Variants in NCKAP5 observed in about 807,000 individuals in gnomAD.
NCKAP5 encodes the protein nck-associated protein 5.
A neutral mutation model predicts 167.0 loss-of-function variants in NCKAP5; 92 were observed. The observed-to-expected ratio is 0.55, with a 90% CI of 0.47 to 0.66. The LOEUF is 0.66. NCKAP5 is among the 30% of genes least tolerant of loss of function. The pLI, the probability that NCKAP5 is intolerant of heterozygous loss-of-function variation, is 0.00. For synonymous variants in NCKAP5, 891 were observed against 877.4 expected (o/e 1.02, Z -0.27); for missense variants, 2,378 against 2,315.0 (o/e 1.03, Z -0.56).
chr2:133,329,965 A>G (rs1033258750), intron 3 of NCKAP5, among the ~76,000 whole-genome samples: 4 of 151,276 alleles, frequency 2.6e-5, no homozygotes, highest in African/African-American at 7.3e-5. Context: ...CGGAGGGGCC[A>G]GCGTCTAAGA....
intron 6 of NCKAP5, among the ~76,000 whole-genome samples, chr2:133,069,691 G>A (rs1389329922): frequency 6.6e-6 from 1 of 152,046 alleles, no homozygotes; most frequent in African/African-American, 2.4e-5. Context: ...CTCTGTTTGG[G>A]TTAAATGAGA....
rs145260156 is a variant in NCKAP5, at chr2:133,015,920, G to C, written c.342-21681C>G. 4.4e-3 allele frequency among the ~76,000 whole-genome samples: 666 copies of C among 152,234 alleles called. 6 individuals are homozygous for C. The highest frequency in any genetic ancestry group is 0.016 in the African/African-American group (654 of 41,526). On this transcript the variant is annotated intron_variant, in intron 6 of 19. Coordinates refer to ENST00000409261, the MANE Select transcript of NCKAP5 (RefSeq NM_207363.3). ...GTTGTGGTGAAGCCTGGAAAGGTAA[G>C]AAGTCCTCGCCAATGGAAGGACTTA...
the NCKAP5 span, among the ~76,000 whole-genome samples, chr2:133,638,996 CAG>C: frequency 7.3e-5 from 11 of 151,274 alleles, no homozygotes; most frequent in Non-Finnish European, 1.5e-5. Flanking sequence ...GATAATTAAA[CAG>C]AAAAAATAAG....
intron 4 of NCKAP5, among the ~76,000 whole-genome samples, chr2:133,281,342 T>A (rs1185258874): frequency 6.6e-6 from 1 of 152,192 alleles, no homozygotes; most frequent in Non-Finnish European, 1.5e-5. Flanking sequence ...TTTCAAAATG[T>A]AAACTTGGGT....
chr2:132,718,708 G>C (rs1364355069), intron 19 of NCKAP5, among the ~76,000 whole-genome samples: 2 of 152,158 alleles, frequency 1.3e-5, no homozygotes, highest in African/African-American at 4.8e-5. Context: ...TCTGGACAAG[G>C]AAATGTATGC....
At chr2:132,773,582 T>C (rs1318235249) in intron 16 of NCKAP5, among the ~76,000 whole-genome samples, 2 of 152,246 alleles carry the variant, frequency 1.3e-5, no homozygotes, top group Non-Finnish European at 2.9e-5. Flanking sequence ...CAAATACTTC[T>C]CATCAGTTTG....
chr2:132,918,679 A>C (rs1695074639), intron 8 of NCKAP5, among the ~76,000 whole-genome samples: 1 of 152,230 alleles, frequency 6.6e-6, no homozygotes, highest in African/African-American at 2.4e-5. Context: ...AGATTTCTAA[A>C]ATAAGAACAA....
At chr2:133,123,802 A>C (rs755604564) in intron 6 of NCKAP5, 6 of 471,026 alleles carry the variant, frequency 1.3e-5, no homozygotes, top group Non-Finnish European at 2.6e-5. Flanking sequence ...CCTCCTTCTA[A>C]AGATGCAGAG....
intron 3 of NCKAP5, among the ~76,000 whole-genome samples, chr2:133,375,789 G>A (rs1686102200): frequency 6.6e-6 from 1 of 152,142 alleles, no homozygotes; most frequent in Admixed American, 6.5e-5. Context: ...CATTTTAATG[G>A]CTGCATAGTA....
At chr2:133,488,841 G>A (rs1328565291) in intron 3 of NCKAP5, among the ~76,000 whole-genome samples, 3 of 152,116 alleles carry the variant, frequency 2.0e-5, no homozygotes, top group Non-Finnish European at 2.9e-5. Flanking sequence ...ACTTGAATCC[G>A]GGATGTGGAG....
intron 8 of NCKAP5, among the ~76,000 whole-genome samples, chr2:132,926,950 C>T (rs1695946245): frequency 6.6e-6 from 1 of 152,070 alleles, no homozygotes; most frequent in African/African-American, 2.4e-5. Context: ...TTTGAGTAGA[C>T]CAATGTTCAA....
intron 3 of NCKAP5, among the ~76,000 whole-genome samples, chr2:133,451,888 C>T (rs1691574315): frequency 6.6e-6 from 1 of 152,130 alleles, no homozygotes; most frequent in Admixed American, 6.6e-5. Context: ...CATTTCCCTG[C>T]TTAAAAAATA....
chr2:132,916,758 C>T (rs1694909892), intron 8 of NCKAP5, among the ~76,000 whole-genome samples: 1 of 152,084 alleles, frequency 6.6e-6, no homozygotes, highest in African/African-American at 2.4e-5. Context: ...TTGGAATCAT[C>T]ACTACAATTT....
At chr2:133,220,628 C>T (rs573043487) in intron 4 of NCKAP5, among the ~76,000 whole-genome samples, 4 of 152,064 alleles carry the variant, frequency 2.6e-5, no homozygotes, top group Non-Finnish European at 5.9e-5. Context: ...CCAATGAAGC[C>T]AACAGGATGT....
chr2:132,774,819 G>T (rs1019796262), intron 15 of NCKAP5, among the ~76,000 whole-genome samples: 7 of 152,206 alleles, frequency 4.6e-5, no homozygotes, highest in African/African-American at 1.4e-4. Flanking sequence ...GTGCTATGAA[G>T]CAGGTGCTAT....
intron 5 of NCKAP5, among the ~76,000 whole-genome samples, chr2:133,168,414 G>A (rs1457490314): frequency 6.6e-6 from 1 of 151,942 alleles, no homozygotes; most frequent in African/African-American, 2.4e-5. Context: ...CCTGACAGAG[G>A]TGTCCGCACT....
chr2:133,198,692 T>C (rs1469314224), intron 5 of NCKAP5, among the ~76,000 whole-genome samples: 1 of 152,122 alleles, frequency 6.6e-6, no homozygotes, highest in Non-Finnish European at 1.5e-5. Context: ...AGATTCAATA[T>C]TTTAAGATGT....
In NCKAP5 at chr2:133,538,905, T is replaced by TG. The variant is rs1685967459; in HGVS notation, c.-62+20144_-62+20145insC. ...CATCTGAGATGTACCTAGTTTTTTT[T>TG]TGGTTTTTTTTTGTGGTTTTTTTGG... On this transcript the variant is annotated intron_variant, in intron 2 of 19. Transcript: ENST00000409261. Among the ~76,000 whole-genome samples the TG allele has an allele frequency of 2.7e-5, 4 of 147,154 alleles. 1 individual carries two copies. The highest frequency in any genetic ancestry group is 2.7e-4 in the Admixed American group (4 of 14,806).
In NCKAP5 at chr2:132,783,758, G is replaced by A. The variant is rs1168742104; in HGVS notation, c.3053C>T (p.Thr1018Ile). The A allele has an allele frequency of 6.3e-7, 1 of 1,592,050 alleles. No homozygotes were observed. The highest frequency in any genetic ancestry group is 2.2e-5 in the East Asian group (1 of 44,726). ...PMPSPEAVIQ[T>I]RCPAHAPSSS... ...GGAGGGGGCATGAGCAGGGCATCGG[G>A]TTTGAATGACTGCTTCTGGGGAGGG... Residue 1018 changes from threonine (T) to isoleucine (I), a missense_variant, in exon 14 of 20, where the codon ACC (threonine) becomes ATC (isoleucine). Physicochemically the swap from Thr to Ile is moderately conservative, Grantham distance 89. Transcript: ENST00000409261.
Sources: allele counts gnomAD v4.1 joint callset (sites outside exome capture counted in the v4.1 genomes callset), GRCh38; gene constraint gnomAD v4.1.1; transcripts MANE v1.5; gene names NCBI Gene and HGNC (gene_info 2026-07-23, HGNC 2026-07-21).